Variants in SYTL2 observed in about 807,000 individuals in gnomAD.
SYTL2 encodes the protein synaptotagmin-like protein 2.
A neutral mutation model predicts 198.7 loss-of-function variants in SYTL2; 165 were observed. The ratio of observed to expected loss-of-function variants is 0.83; its 90% CI spans 0.73 to 0.94. The LOEUF (loss-of-function observed/expected upper bound fraction) is 0.94, where lower values mean the gene tolerates loss of function less well. Among genes scored for constraint, SYTL2 ranks in the 40% least tolerant of loss-of-function variants. SYTL2 has a pLI of 0.00. For synonymous variants in SYTL2, 966 were observed against 917.7 expected (o/e 1.05, Z -0.95); for missense variants, 2,835 against 2,582.8 (o/e 1.10, Z -2.12).
chr11:85,707,400 A>T, intron 15 of SYTL2, 29 bp downstream of exon 15: 1 of 1,507,692 alleles, frequency 6.6e-7, no homozygotes, highest in African/African-American at 1.4e-5. Context: ...ACCATCTAGG[A>T]TTTTCCTATA....
Position 85,729,362 on chromosome 11 carries a change from C to T in SYTL2, c.1391-1395G>A, listed in dbSNP as rs555630977. On this transcript the variant is annotated intron_variant, in intron 7 of 19. Coordinates refer to ENST00000359152, the MANE Select transcript of SYTL2 (RefSeq NM_206927.4). ...GAAGTAAAACACTCCTCAGCAAATG[C>T]AAAAGAATAGAAATAATAACAAACG... is the stretch of plus-strand genomic sequence containing the variant. Among the ~76,000 whole-genome samples the T allele has an allele frequency of 4.6e-5, 7 of 152,146 alleles. No homozygotes were observed. The East Asian group carries it at 7.7e-4, about 17-fold the overall frequency.
the SYTL2 span, chr11:85,853,657 TAA>T: frequency 6.8e-4 from 56 of 82,684 alleles, no homozygotes; most frequent in African/African-American, 1.2e-3. Context: ...GAATGATCAA[TAA>T]AAAAAAAAAA....
chr11:85,720,536 A>C (rs1276733470), intron 9 of SYTL2, among the ~76,000 whole-genome samples: 1 of 152,226 alleles, frequency 6.6e-6, no homozygotes, highest in African/African-American at 2.4e-5. Flanking sequence ...AATAAATGCT[A>C]GTTATGACTA....
the SYTL2 span, among the ~76,000 whole-genome samples, chr11:85,829,512 T>C: frequency 6.6e-6 from 1 of 152,252 alleles, no homozygotes; most frequent in Non-Finnish European, 1.5e-5. Context: ...GAAATGAGCA[T>C]ACAAGTTCAC....
chr11:85,770,012 A>T (rs2092324033), intron 1 of SYTL2, among the ~76,000 whole-genome samples: 1 of 152,198 alleles, frequency 6.6e-6, no homozygotes, highest in South Asian at 2.1e-4. Flanking sequence ...GGGGGCTCAG[A>T]TGTTCCTCAT....
intron 6 of SYTL2, among the ~76,000 whole-genome samples, chr11:85,735,368 G>A (rs530381541): frequency 6.6e-6 from 1 of 152,178 alleles, no homozygotes; most frequent in South Asian, 2.1e-4. Context: ...GAAAAACATA[G>A]AAGTCACTTA....
intron 1 of SYTL2, among the ~76,000 whole-genome samples, chr11:85,799,725 T>C (rs1025673580): frequency 6.6e-6 from 1 of 152,172 alleles, no homozygotes; most frequent in Non-Finnish European, 1.5e-5. Flanking sequence ...ACCTTGGCAC[T>C]TGATCTCCCT....
At chr11:85,760,470 A>G (rs1304603884) in intron 1 of SYTL2, among the ~76,000 whole-genome samples, 1 of 152,214 alleles carries the variant, frequency 6.6e-6, no homozygotes, top group Admixed American at 6.5e-5. Context: ...ATTCAAATAT[A>G]CAATATCACC....
chr11:85,770,431 C>A (rs527619210), intron 1 of SYTL2, among the ~76,000 whole-genome samples: 15 of 152,306 alleles, frequency 9.8e-5, no homozygotes, highest in Non-Finnish European at 1.8e-4. Context: ...CAGCTAGACT[C>A]ATATCCAAAG....
intron 1 of SYTL2, among the ~76,000 whole-genome samples, chr11:85,771,015 A>G (rs2092344218): frequency 6.6e-6 from 1 of 152,248 alleles, no homozygotes; most frequent in African/African-American, 2.4e-5. Flanking sequence ...CAAGAAAATT[A>G]ATGCTTATAT....
Position 85,707,428 on chromosome 11 carries a change from C to G in SYTL2, c.6018+1G>C, listed in dbSNP as rs771717947. The G allele has an allele frequency of 6.2e-7, 1 of 1,603,970 alleles. No individual in the cohort carries two copies. Among genetic ancestry groups the G allele is most frequent in the Non-Finnish European group, 8.5e-7 (1 of 1,171,290 alleles). On this transcript the variant is annotated splice_donor_variant, in intron 15 of 19. Coordinates refer to ENST00000359152, the MANE Select transcript of SYTL2 (RefSeq NM_206927.4). LOFTEE classifies it high-confidence loss of function. ...TTCCTATAGAGAGAGTTCATAGATA[C>G]CCGCAGTATTTCGTTATACACAGGA...
chr11:85,706,836 T>G (rs2085243263), intron 15 of SYTL2, among the ~76,000 whole-genome samples: 1 of 147,156 alleles, frequency 6.8e-6, no homozygotes, highest in Non-Finnish European at 1.5e-5. Context: ...TTGTTTTTTG[T>G]TTTGTTTTGT....
intron 1 of SYTL2, among the ~76,000 whole-genome samples, chr11:85,796,981 G>T (rs1318576574): frequency 6.6e-6 from 1 of 152,166 alleles, no homozygotes; most frequent in Non-Finnish European, 1.5e-5. Context: ...TTGGGCCCAG[G>T]CATTCAAGAG....
chr11:85,833,410 C>CATATATATGTATATCACATATATATGATT, the SYTL2 span, among the ~76,000 whole-genome samples: 1 of 146,578 alleles, frequency 6.8e-6, no homozygotes, highest in Non-Finnish European at 1.5e-5. Context: ...ACCTATATAT[C>CATATATATGTATATCACATATATATGATT]ATATATATGT....
chr11:85,780,401 A>AT (rs1428524993), intron 1 of SYTL2, among the ~76,000 whole-genome samples: 1 of 152,178 alleles, frequency 6.6e-6, no homozygotes, highest in African/African-American at 2.4e-5. Flanking sequence ...TAGCTTCAGA[A>AT]TGGGGGCTGG....
chr11:85,774,285 C>G (rs1260666346), intron 1 of SYTL2, among the ~76,000 whole-genome samples: 1 of 152,130 alleles, frequency 6.6e-6, no homozygotes, highest in African/African-American at 2.4e-5. Context: ...TAAGGCAAAC[C>G]AGCAAAGTAG....
chr11:85,760,004 T>C (rs541025751), intron 1 of SYTL2, among the ~76,000 whole-genome samples: 10 of 152,348 alleles, frequency 6.6e-5, no homozygotes, highest in African/African-American at 2.4e-4. Flanking sequence ...AATTCATCCC[T>C]ATCCTCCTAA....
At chr11:85,853,390 C>G in the SYTL2 span, 2 of 431,296 alleles carry the variant, frequency 4.6e-6, no homozygotes, top group Admixed American at 5.3e-5. Context: ...GAAACATGTG[C>G]TGTGTCCACT....
At chr11:85,834,334 C>T in the SYTL2 span, among the ~76,000 whole-genome samples, 1 of 151,712 alleles carries the variant, frequency 6.6e-6, no homozygotes, top group African/African-American at 2.4e-5. Flanking sequence ...TTCTATTTAC[C>T]TTGTTTCTTA....
Sources: gnomAD v4.1 joint callset for allele counts (sites outside exome capture counted in the v4.1 genomes callset) on GRCh38, gnomAD v4.1.1 for gene constraint, MANE v1.5 for transcripts, NCBI Gene and HGNC (gene_info 2026-07-23, HGNC 2026-07-21) for gene names.